Variants in RBFOX1 observed in about 807,000 individuals in gnomAD.
The protein encoded by RBFOX1 is RNA binding fox-1 homolog 1.
In RBFOX1, 8 loss-of-function variants were observed where a neutral mutation model predicts 57.7. That is an observed-to-expected ratio of 0.14 (90% CI 0.08 to 0.25). The LOEUF is 0.25. Among genes scored for constraint, RBFOX1 ranks in the 10% least tolerant of loss-of-function variants. RBFOX1 has a pLI of 1.00. For synonymous variants in RBFOX1, 326 were observed against 222.4 expected (o/e 1.47, Z -4.15); for missense variants, 611 against 548.5 (o/e 1.11, Z -1.14).
chr16:7,608,545 A>G (rs2056804423), intron 10 of RBFOX1, among the ~76,000 whole-genome samples: 3 of 152,166 alleles, frequency 2.0e-5, no homozygotes, highest in Admixed American at 6.5e-5. Context: ...CAGGCTTTCC[A>G]TGATCATATT....
chr16:6,682,604 T>C (rs2058822734), intron 3 of RBFOX1, among the ~76,000 whole-genome samples: 1 of 152,062 alleles, frequency 6.6e-6, no homozygotes, highest in Non-Finnish European at 1.5e-5. Context: ...GCAGCAGTTC[T>C]GGCCTCCAAC....
chr16:6,304,169 T>A (rs1308991943), intron 1 of RBFOX1, among the ~76,000 whole-genome samples: 1 of 151,628 alleles, frequency 6.6e-6, no homozygotes, highest in Non-Finnish European at 1.5e-5. Flanking sequence ...GTGCCTGTAG[T>A]CCCGGCTATT....
intron 3 of RBFOX1, among the ~76,000 whole-genome samples, chr16:6,929,587 A>G (rs947883390): frequency 6.6e-6 from 1 of 152,094 alleles, no homozygotes; most frequent in Admixed American, 6.6e-5. Flanking sequence ...GGGCCGGGGA[A>G]ATTTAATTTT....
Position 7,518,005 on chromosome 16 carries a change from T to C in RBFOX1, c.28-142T>C, listed in dbSNP as rs954019836. 24 of 948,098 alleles carry C rather than the reference T, an allele frequency of 2.5e-5. 1 individual carries two copies. Among genetic ancestry groups the C allele is most frequent in the Middle Eastern group, 4.9e-4 (2 of 4,056 alleles). 58.7% of individuals were successfully genotyped at this position (948,098 alleles called of 1,614,324 possible). On this transcript the variant is annotated intron_variant, in intron 4 of 15. Transcript: ENST00000550418. ...AGGGTCTGGTGAAGATGACCTGAGA[T>C]TGGTCCATCTCAGGCTGGTGGCACC...
chr16:7,051,261 T>A (rs1050338060), intron 3 of RBFOX1, among the ~76,000 whole-genome samples: 4 of 152,324 alleles, frequency 2.6e-5, no homozygotes, highest in Admixed American at 1.3e-4. Context: ...ATTCCTTCTA[T>A]GTGTTCCTTT....
intron 1 of RBFOX1, among the ~76,000 whole-genome samples, chr16:6,175,403 A>G (rs1371021042): frequency 6.6e-6 from 1 of 152,124 alleles, no homozygotes; most frequent in Non-Finnish European, 1.5e-5. Context: ...GTATGTTAAC[A>G]TTACACGTTC....
intron 3 of RBFOX1, among the ~76,000 whole-genome samples, chr16:6,785,868 C>G (rs1270781131): frequency 1.3e-5 from 2 of 152,214 alleles, no homozygotes; most frequent in Non-Finnish European, 2.9e-5. Context: ...GACTCTAAAA[C>G]TGATGCTGCT....
At chr16:6,007,831 C>G (rs574945832) in intron 4 of RBFOX1, among the ~76,000 whole-genome samples, 4 of 152,094 alleles carry the variant, frequency 2.6e-5, no homozygotes, top group Non-Finnish European at 5.9e-5. Context: ...ACTTTGATAT[C>G]TAGCAGCCGT....
At chr16:5,321,519 A>T (rs994152982) in intron 1 of RBFOX1, among the ~76,000 whole-genome samples, 2 of 151,996 alleles carry the variant, frequency 1.3e-5, no homozygotes, top group African/African-American at 4.8e-5. Context: ...ACGGGTTTTC[A>T]CTGTGTTAGC....
chr16:5,796,528 G>A (rs1247440078), intron 3 of RBFOX1, among the ~76,000 whole-genome samples: 2 of 151,374 alleles, frequency 1.3e-5, no homozygotes, highest in Non-Finnish European at 2.9e-5. Flanking sequence ...TGGATCCCAG[G>A]GATGAAGCAG....
intron 4 of RBFOX1, among the ~76,000 whole-genome samples, chr16:7,243,383 T>G (rs2094152665): frequency 6.6e-6 from 1 of 152,178 alleles, no homozygotes; most frequent in Admixed American, 6.5e-5. Flanking sequence ...ATGGTCACTT[T>G]GTAAAATTTA....
At chr16:7,600,925 C>T (rs1158368702) in intron 9 of RBFOX1, among the ~76,000 whole-genome samples, 1 of 152,104 alleles carries the variant, frequency 6.6e-6, no homozygotes, top group Non-Finnish European at 1.5e-5. Context: ...TAAAAAGTTC[C>T]ACAAAGAGGG....
intron 2 of RBFOX1, among the ~76,000 whole-genome samples, chr16:6,412,998 A>G (rs1051075180): frequency 6.6e-6 from 1 of 152,194 alleles, no homozygotes; most frequent in Non-Finnish European, 1.5e-5. Context: ...ATTGAGAAAA[A>G]TTACAACACC....
intron 1 of RBFOX1, among the ~76,000 whole-genome samples, chr16:6,021,300 C>T (rs1355943949): frequency 1.3e-5 from 2 of 152,162 alleles, no homozygotes; most frequent in African/African-American, 4.8e-5. Flanking sequence ...CTTCCCTGCC[C>T]CCTGTCCTAG....
At chr16:7,074,632 A>G (rs1207244540) in intron 4 of RBFOX1, among the ~76,000 whole-genome samples, 1 of 152,222 alleles carries the variant, frequency 6.6e-6, no homozygotes, top group East Asian at 1.9e-4. Flanking sequence ...TGGAGAGAAG[A>G]GACAGACAAT....
chr16:7,060,144 G>C (rs1297843134), intron 4 of RBFOX1, among the ~76,000 whole-genome samples: 3 of 152,116 alleles, frequency 2.0e-5, no homozygotes, highest in African/African-American at 4.8e-5. Flanking sequence ...GCCAGATTGT[G>C]ACTATTTTAG....
chr16:7,314,589 C>T (rs1207061296), intron 4 of RBFOX1, among the ~76,000 whole-genome samples: 1 of 152,186 alleles, frequency 6.6e-6, no homozygotes, highest in Non-Finnish European at 1.5e-5. Flanking sequence ...GTTTGTTTCA[C>T]AGTGGCATCA....
intron 3 of RBFOX1, among the ~76,000 whole-genome samples, chr16:6,685,621 G>C (rs1198766896): frequency 6.6e-6 from 1 of 151,850 alleles, no homozygotes; most frequent in African/African-American, 2.4e-5. Context: ...CTTAAACCAA[G>C]TCCAGACATC....
intron 1 of RBFOX1, among the ~76,000 whole-genome samples, chr16:6,104,821 G>A (rs1326914072): frequency 6.6e-6 from 1 of 152,204 alleles, no homozygotes; most frequent in Admixed American, 6.5e-5. Flanking sequence ...TATGCAAAGT[G>A]AAGGAAGTGA....
Sources: gnomAD v4.1 joint callset for allele counts (sites outside exome capture counted in the v4.1 genomes callset) on GRCh38, gnomAD v4.1.1 for gene constraint, MANE v1.5 for transcripts, NCBI Gene and HGNC (gene_info 2026-07-23, HGNC 2026-07-21) for gene names.